Variants in SCARA3 observed in about 807,000 individuals in gnomAD.
SCARA3 encodes the protein cellular stress response gene protein.
Under a neutral mutation model 47.0 loss-of-function variants are expected in SCARA3, and 39 were observed. The ratio of observed to expected loss-of-function variants is 0.83; its 90% confidence interval spans 0.64 to 1.08. The LOEUF is 1.08. SCARA3 is among the 50% of genes least tolerant of loss of function. The pLI, the probability that SCARA3 is intolerant of heterozygous loss-of-function variation, is 0.00. For missense variants in SCARA3, 724 were observed against 792.3 expected (o/e 0.91, Z 1.04); for synonymous variants, 356 against 334.1 (o/e 1.07, Z -0.71).
downstream of SCARA3, among the ~76,000 whole-genome samples, chr8:27,679,133 T>TTCCTCCTCTTCCTTGTTC (rs1405277167): frequency 6.6e-6 from 1 of 152,150 alleles, no homozygotes; most frequent in Non-Finnish European, 1.5e-5. Flanking sequence ...TTTCTTCTTC[T>TTCCTCCTCTTCCTTGTTC]TCCTCCTCTT....
In SCARA3 at chr8:27,672,782, A is replaced by G. The variant is rs1016584881; in HGVS notation, c.*1431A>G. 1 of 985,584 alleles carries G rather than the reference A, an allele frequency of 1.0e-6. No homozygotes were observed. Among genetic ancestry groups the G allele is most frequent in the Middle Eastern group, 5.2e-4 (1 of 1,918 alleles). 61.1% of individuals were successfully genotyped at this position (985,584 alleles called of 1,614,324 possible). On this transcript the variant is annotated 3_prime_UTR_variant, in exon 6 of 6. Coordinates refer to ENST00000301904, the MANE Select transcript of SCARA3 (RefSeq NM_016240.3). ...AGCTGCTTTGCCTTCATGTTCAAAC[A>G]GATTCAGGCACCACCCCCTCCACCG...
At chr8:27,730,237 G>A in the SCARA3 span, among the ~76,000 whole-genome samples, 4 of 152,170 alleles carry the variant, frequency 2.6e-5, no homozygotes, top group Non-Finnish European at 5.9e-5. Context: ...CCAAATAGAG[G>A]CCCGCTCAAG....
At chr8:27,675,489 A>T (rs1044568602), downstream of SCARA3, among the ~76,000 whole-genome samples, 2 of 152,130 alleles carry the variant, frequency 1.3e-5, no homozygotes, top group Non-Finnish European at 2.9e-5. Context: ...TTCCAAGTGC[A>T]AGACTCTGTG....
intron 1 of SCARA3, among the ~76,000 whole-genome samples, chr8:27,638,627 G>A (rs1023535376): frequency 1.3e-5 from 2 of 152,180 alleles, no homozygotes; most frequent in African/African-American, 2.4e-5. Flanking sequence ...AAAGATGCCT[G>A]TATTCAACAA....
At chr8:27,669,371 G>A (rs1013827117) in intron 5 of SCARA3, among the ~76,000 whole-genome samples, 9 of 152,256 alleles carry the variant, frequency 5.9e-5, no homozygotes, top group African/African-American at 1.7e-4. Flanking sequence ...GGCGCCAGGA[G>A]CAGAGGTAGG....
At chr8:27,722,967 GGGCTCC>G in the SCARA3 span, among the ~76,000 whole-genome samples, 1 of 152,190 alleles carries the variant, frequency 6.6e-6, no homozygotes, top group East Asian at 1.9e-4. Flanking sequence ...CCAGCACACT[GGGCTCC>G]CTCTTCGGCA....
At chr8:27,673,131 A>G (rs777629092), downstream of SCARA3, 15 of 377,526 alleles carry the variant, frequency 4.0e-5, no homozygotes, top group South Asian at 3.2e-4. Context: ...CAAAAATTCA[A>G]TCTCACTGGA....
the SCARA3 span, among the ~76,000 whole-genome samples, chr8:27,699,702 G>A: frequency 6.6e-6 from 1 of 152,076 alleles, no homozygotes; most frequent in Non-Finnish European, 1.5e-5. Context: ...GCTCAGGCAG[G>A]AGGATCACTT....
chr8:27,647,345 G>C (rs925811444), intron 1 of SCARA3, among the ~76,000 whole-genome samples: 1 of 152,186 alleles, frequency 6.6e-6, no homozygotes, highest in Non-Finnish European at 1.5e-5. Flanking sequence ...TGGGATAACA[G>C]ATGTGAGAGC....
At chr8:27,719,256 A>T in the SCARA3 span, among the ~76,000 whole-genome samples, 1 of 152,208 alleles carries the variant, frequency 6.6e-6, no homozygotes. Flanking sequence ...GGAGGCCATT[A>T]TCCTTAGCAA....
the SCARA3 span, among the ~76,000 whole-genome samples, chr8:27,692,656 T>A: frequency 7.2e-5 from 11 of 152,142 alleles, no homozygotes; most frequent in Non-Finnish European, 1.0e-4. Flanking sequence ...AAGTGTCTGG[T>A]ATCTTTTTAA....
Position 27,672,836 on chromosome 8 carries a change from C to T in SCARA3, c.*1485C>T. On this transcript the variant is annotated 3_prime_UTR_variant, in exon 6 of 6. Coordinates refer to ENST00000301904, the MANE Select transcript of SCARA3 (RefSeq NM_016240.3). ...GCAAGGTTAGGGCATAGAGTTGTCT[C>T]CTTCCCAACACGGACCCAGAGAGCA... 1.0e-6 allele frequency: 1 copy of T among 985,678 alleles called. No homozygotes were observed. Among genetic ancestry groups the T allele is most frequent in the Non-Finnish European group, 1.2e-6 (1 of 830,104 alleles). The allele number at this position is 985,678 out of a possible 1,614,324, so 61.1% of individuals were successfully genotyped here. A position where few individuals can be genotyped will look rare whatever the true frequency, so the allele number is the denominator to read the frequency against.
At chr8:27,639,984 G>A (rs1370013642) in intron 1 of SCARA3, among the ~76,000 whole-genome samples, 2 of 151,968 alleles carry the variant, frequency 1.3e-5, no homozygotes, top group Non-Finnish European at 2.9e-5. Context: ...GGGAGGCAGG[G>A]CCCAGCTCAA....
chr8:27,675,829 TC>T (rs974710966), downstream of SCARA3, among the ~76,000 whole-genome samples: 18 of 115,500 alleles, frequency 1.6e-4, no homozygotes, highest in Admixed American at 1.4e-3. Context: ...ATTGTGGGCC[TC>T]CCCCCCAGAA....
rs539198319 is a variant in SCARA3 at position 27,659,187 on chromosome 8, T to C, written c.1017T>C (p.Thr339=). The change falls in exon 5 of 6, where the codon ACT becomes ACC. Residue 339 remains threonine (T), a synonymous_variant. Coordinates refer to ENST00000301904, the MANE Select transcript of SCARA3 (RefSeq NM_016240.3). ...QYHTHYAQNR[T]VERFESLEGR... ...ATACCCACTACGCCCAGAACCGCAC[T>C]GTGGAGAGGTTTGAGTCTCTGGAAG... 5 of 1,614,124 alleles carry C rather than the reference T, an allele frequency of 3.1e-6. No homozygotes were observed. The East Asian group carries it at 6.7e-5, about 22-fold the overall frequency.
chr8:27,638,555 G>A (rs1197428535), intron 1 of SCARA3, among the ~76,000 whole-genome samples: 1 of 152,120 alleles, frequency 6.6e-6, no homozygotes, highest in African/African-American at 2.4e-5. Flanking sequence ...TGTTCAGTGT[G>A]CACATCTGTA....
chr8:27,730,135 A>G, the SCARA3 span, among the ~76,000 whole-genome samples: 66,532 of 152,022 alleles, frequency 0.44, 14,839 homozygotes, highest in East Asian at 0.63. Context: ...GAAAGCAAAC[A>G]GCTTTCTTCT....
At chr8:27,644,874 T>A (rs529985971) in intron 1 of SCARA3, among the ~76,000 whole-genome samples, 5 of 152,158 alleles carry the variant, frequency 3.3e-5, no homozygotes, top group Non-Finnish European at 7.3e-5. Context: ...ATAGACATAT[T>A]ACATACAGGT....
At chr8:27,717,423 G>A in the SCARA3 span, among the ~76,000 whole-genome samples, 1 of 152,172 alleles carries the variant, frequency 6.6e-6, no homozygotes, top group Admixed American at 6.5e-5. Flanking sequence ...GTCAGGCATG[G>A]GGCCCAGACT....
Sources: allele counts gnomAD v4.1 joint callset (sites outside exome capture counted in the v4.1 genomes callset), GRCh38; gene constraint gnomAD v4.1.1; transcripts MANE v1.5; gene names NCBI Gene and HGNC (gene_info 2026-07-23, HGNC 2026-07-21).